BAZ2B: variants seen among roughly 807,000 people sequenced by gnomAD.
BAZ2B encodes bromodomain adjacent to zinc finger domain protein 2B.
In BAZ2B, 91 loss-of-function variants were observed where a neutral mutation model predicts 246.0. The observed-to-expected ratio is 0.37, with a 90% CI of 0.31 to 0.44. The LOEUF (loss-of-function observed/expected upper bound fraction) is 0.44. Ranked by LOEUF, BAZ2B falls within the 20% of genes least tolerant of loss-of-function variation. The pLI is 1.00. For missense variants in BAZ2B, 2,332 were observed against 2,533.7 expected (o/e 0.92, Z 1.71); for synonymous variants, 855 against 860.0 (o/e 0.99, Z 0.10).
chr2:159,449,258 T>C (rs999663010), intron 4 of BAZ2B, among the ~76,000 whole-genome samples: 1 of 152,176 alleles, frequency 6.6e-6, no homozygotes, highest in Non-Finnish European at 1.5e-5. Context: ...TAATCTTATA[T>C]TGACCCATCT....
At chr2:159,449,897 A>T (rs2074804215) in intron 4 of BAZ2B, among the ~76,000 whole-genome samples, 1 of 152,200 alleles carries the variant, frequency 6.6e-6, no homozygotes, top group Non-Finnish European at 1.5e-5. Context: ...AGGACCAGGC[A>T]CAGTGGTTCA....
chr2:159,346,267 C>T (rs960041097), intron 31 of BAZ2B, among the ~76,000 whole-genome samples: 2 of 152,084 alleles, frequency 1.3e-5, no homozygotes, highest in Non-Finnish European at 1.5e-5. Context: ...CAAAAGTGTC[C>T]AAATGCCTAT....
chr2:159,667,398 C>A, the BAZ2B span, among the ~76,000 whole-genome samples: 1 of 151,850 alleles, frequency 6.6e-6, no homozygotes, highest in East Asian at 1.9e-4. Flanking sequence ...AAGTTTGAGA[C>A]CAGCCTGGCC....
chr2:159,348,319 CAAAAAAAA>C (rs541304274), intron 30 of BAZ2B, among the ~76,000 whole-genome samples: 1 of 27,152 alleles, frequency 3.7e-5, no homozygotes. Context: ...GACTCTCTCA[CAAAAAAAA>C]AAAAAAAAAA....
the BAZ2B span, among the ~76,000 whole-genome samples, chr2:159,668,877 C>G: frequency 6.6e-6 from 1 of 151,890 alleles, no homozygotes; most frequent in Non-Finnish European, 1.5e-5. Context: ...GGCAACATGG[C>G]GAAACCCCAT....
At chr2:159,357,840 C>A (rs1436990505) in intron 27 of BAZ2B, among the ~76,000 whole-genome samples, 1 of 152,116 alleles carries the variant, frequency 6.6e-6, no homozygotes, top group Non-Finnish European at 1.5e-5. Context: ...AATTTTCAAC[C>A]CAGAATTTTG....
chr2:159,378,164 C>T (rs111980269), intron 25 of BAZ2B, among the ~76,000 whole-genome samples: 301 of 152,300 alleles, frequency 2.0e-3, no homozygotes, highest in African/African-American at 6.9e-3. Context: ...GCTATGGAAA[C>T]AGCTCCACTT....
chr2:159,494,006 C>T (rs1177726831), intron 2 of BAZ2B, among the ~76,000 whole-genome samples: 1 of 152,170 alleles, frequency 6.6e-6, no homozygotes, highest in Non-Finnish European at 1.5e-5. Flanking sequence ...AAACTAAAGC[C>T]TAGGTATTCC....
intron 6 of BAZ2B, among the ~76,000 whole-genome samples, chr2:159,442,895 A>G (rs934729213): frequency 4.6e-5 from 7 of 152,322 alleles, no homozygotes; most frequent in African/African-American, 1.7e-4. Context: ...ATGTGTACAC[A>G]TGTGCCTCCC....
intron 10 of BAZ2B, among the ~76,000 whole-genome samples, chr2:159,430,323 T>C (rs1006799810): frequency 6.6e-6 from 1 of 152,208 alleles, no homozygotes; most frequent in Non-Finnish European, 1.5e-5. Flanking sequence ...GAAGAGTCAA[T>C]ATATTTCCTC....
chr2:159,610,738 A>G (rs994360455), intron 1 of BAZ2B, among the ~76,000 whole-genome samples: 2 of 152,194 alleles, frequency 1.3e-5, no homozygotes, highest in African/African-American at 4.8e-5. Flanking sequence ...TATAAATTAT[A>G]AAAACTATTT....
Position 159,324,664 on chromosome 2 carries a change from ACACACACACACACACACACACACAC to A in BAZ2B, c.6353+122_6353+146del, listed in dbSNP as rs1415174190. On this transcript the variant is annotated intron_variant, in intron 36 of 36. Coordinates refer to ENST00000392783, the MANE Select transcript of BAZ2B (RefSeq NM_013450.4). ...CACACACACACACACACACACACAC[ACACACACACACACACACACACACAC>A]CTGCCTCAAAGGCAGGGCCTATATC... 6 of 256,666 alleles carry A rather than the reference ACACACACACACACACACACACACAC, an allele frequency of 2.3e-5. No homozygotes were observed. The South Asian group carries it at 5.0e-4, about 21-fold the overall frequency. The allele number at this position is 256,666 out of a possible 1,614,324, so 15.9% of individuals were successfully genotyped here.
rs139338003 is a variant in BAZ2B, at chr2:159,359,511, G to A, written c.4214-9154C>T. ...CTCAGGACCAGACAGATTCACAGCC[G>A]AATTCTACCAGAGGTACAAAAGCGA... is the stretch of plus-strand genomic sequence containing the variant. On this transcript the variant is annotated intron_variant, in intron 27 of 36. Coordinates refer to ENST00000392783, the MANE Select transcript of BAZ2B (RefSeq NM_013450.4). 5.1e-3 allele frequency among the ~76,000 whole-genome samples: 775 copies of A among 152,194 alleles called. 5 individuals carry two copies. The highest frequency in any genetic ancestry group is 8.2e-3 in the Non-Finnish European group (555 of 68,006).
intron 2 of BAZ2B, among the ~76,000 whole-genome samples, chr2:159,531,829 C>T (rs1388644744): frequency 6.6e-6 from 1 of 152,136 alleles, no homozygotes; most frequent in Non-Finnish European, 1.5e-5. Context: ...GCTTTATTCA[C>T]CTGAGAGGTA....
chr2:159,445,471 T>C (rs1450801552), intron 6 of BAZ2B, among the ~76,000 whole-genome samples: 1 of 152,114 alleles, frequency 6.6e-6, no homozygotes, highest in Non-Finnish European at 1.5e-5. Flanking sequence ...TCAGACTTTG[T>C]GGGAGAGGAT....
At chr2:159,648,076 G>C in the BAZ2B span, among the ~76,000 whole-genome samples, 1 of 151,990 alleles carries the variant, frequency 6.6e-6, no homozygotes, top group South Asian at 2.1e-4. Context: ...TAAAGATTAT[G>C]GATATATCCT....
chr2:159,401,796 C>T (rs933806516), intron 16 of BAZ2B, among the ~76,000 whole-genome samples: 12 of 151,960 alleles, frequency 7.9e-5, no homozygotes, highest in African/African-American at 2.9e-4. Context: ...TTTCATGTTC[C>T]TTAATCCGTT....
chr2:159,467,943 G>A (rs1188144369), intron 3 of BAZ2B, among the ~76,000 whole-genome samples: 2 of 152,178 alleles, frequency 1.3e-5, no homozygotes, highest in Admixed American at 1.3e-4. Context: ...AACTAAAGGT[G>A]CAAGAGGTCA....
chr2:159,370,186 G>A (rs1384824666), intron 27 of BAZ2B, among the ~76,000 whole-genome samples: 1 of 152,076 alleles, frequency 6.6e-6, no homozygotes, highest in East Asian at 1.9e-4. Flanking sequence ...GGTGGGAGAG[G>A]GGAGGGATAG....
Sources: gnomAD v4.1 joint callset for allele counts (sites outside exome capture counted in the v4.1 genomes callset) on GRCh38, gnomAD v4.1.1 for gene constraint, MANE v1.5 for transcripts, NCBI Gene and HGNC (gene_info 2026-07-23, HGNC 2026-07-21) for gene names.